Variants in UBE2E2 observed in about 807,000 individuals in gnomAD.
UBE2E2 encodes ubiquitin-conjugating enzyme E2 E2.
A neutral mutation model predicts 24.7 loss-of-function variants in UBE2E2; 6 were observed. The observed-to-expected ratio is 0.24, with a 90% CI of 0.13 to 0.48. UBE2E2 has a LOEUF of 0.48. Ranked by LOEUF, UBE2E2 falls within the 20% of genes least tolerant of loss-of-function variation. UBE2E2 has a pLI of 0.99. For missense variants in UBE2E2, 169 were observed against 245.0 expected, an observed-to-expected ratio of 0.69 and a Z score of 2.07; for synonymous variants, 104 against 83.6, an observed-to-expected ratio of 1.24 and a Z score of -1.33.
At chr3:23,537,845 G>A (rs929878750) in intron 5 of UBE2E2, among the ~76,000 whole-genome samples, 2 of 152,158 alleles carry the variant, frequency 1.3e-5, no homozygotes, top group African/African-American at 2.4e-5. Flanking sequence ...CTGCTGGTGG[G>A]TGGGAACCAT....
chr3:23,483,744 A>G (rs1421407002), intron 3 of UBE2E2, among the ~76,000 whole-genome samples: 7 of 152,206 alleles, frequency 4.6e-5, no homozygotes, highest in Non-Finnish European at 8.8e-5. Flanking sequence ...TAGTAGTTCT[A>G]TCATGGTGAT....
chr3:23,384,460 G>C (rs951475210), intron 3 of UBE2E2, among the ~76,000 whole-genome samples: 2 of 152,126 alleles, frequency 1.3e-5, no homozygotes, highest in Non-Finnish European at 2.9e-5. Context: ...CACTGCGCCT[G>C]ACCTTGAAGT....
chr3:23,205,232 A>G (rs1342325337), intron 1 of UBE2E2, among the ~76,000 whole-genome samples: 4 of 152,196 alleles, frequency 2.6e-5, no homozygotes, highest in Non-Finnish European at 5.9e-5. Flanking sequence ...ATCTCTCTCA[A>G]TATCTTTGAA....
intron 3 of UBE2E2, among the ~76,000 whole-genome samples, chr3:23,245,250 G>A (rs13084250): frequency 0.075 from 11,381 of 152,062 alleles, 539 homozygotes; most frequent in Non-Finnish European, 0.092. Flanking sequence ...TAATTGATAA[G>A]TTTTACAATG....
At chr3:23,427,159 G>C (rs558246642) in intron 3 of UBE2E2, among the ~76,000 whole-genome samples, 1 of 151,550 alleles carries the variant, frequency 6.6e-6, no homozygotes, top group African/African-American at 2.4e-5. Context: ...GGTGGCTCAT[G>C]CCTGTAATTC....
chr3:23,274,201 C>T (rs979621958), intron 3 of UBE2E2, among the ~76,000 whole-genome samples: 1 of 152,180 alleles, frequency 6.6e-6, no homozygotes, highest in Non-Finnish European at 1.5e-5. Flanking sequence ...TAAATACCAA[C>T]AATTATTATC....
At chr3:23,234,635 A>G (rs1253952691) in intron 3 of UBE2E2, among the ~76,000 whole-genome samples, 1 of 152,160 alleles carries the variant, frequency 6.6e-6, no homozygotes, top group African/African-American at 2.4e-5. Flanking sequence ...TTGATGCTCC[A>G]TAGTCTTTTG....
intron 3 of UBE2E2, among the ~76,000 whole-genome samples, chr3:23,339,025 G>A (rs994823839): frequency 3.5e-4 from 54 of 152,152 alleles, no homozygotes; most frequent in African/African-American, 1.3e-3. Context: ...TAACCTTACA[G>A]TGGAGAAAAT....
chr3:23,306,140 A>G (rs1324734875), intron 3 of UBE2E2, among the ~76,000 whole-genome samples: 1 of 152,226 alleles, frequency 6.6e-6, no homozygotes, highest in Non-Finnish European at 1.5e-5. Flanking sequence ...TGAAATATTT[A>G]AAAGAAACTA....
At chr3:23,270,252 G>T (rs1042910792) in intron 3 of UBE2E2, among the ~76,000 whole-genome samples, 2 of 150,776 alleles carry the variant, frequency 1.3e-5, no homozygotes, top group African/African-American at 4.9e-5. Flanking sequence ...TAAGGTGAGG[G>T]TCAGGAATCC....
At chr3:23,219,869 A>G (rs1403892104) in intron 3 of UBE2E2, among the ~76,000 whole-genome samples, 1 of 152,170 alleles carries the variant, frequency 6.6e-6, no homozygotes, top group Non-Finnish European at 1.5e-5. Flanking sequence ...TTGTCTGGGT[A>G]GGGGTGGGTG....
chr3:23,234,016 T>A (rs1196448352), intron 3 of UBE2E2, among the ~76,000 whole-genome samples: 1 of 152,140 alleles, frequency 6.6e-6, no homozygotes. Flanking sequence ...AATTGATTTT[T>A]TTTCCTTCTT....
At chr3:23,545,773 C>G (rs1410938792) in intron 5 of UBE2E2, among the ~76,000 whole-genome samples, 2 of 152,260 alleles carry the variant, frequency 1.3e-5, no homozygotes, top group South Asian at 2.1e-4. Flanking sequence ...AAGTGCCCGT[C>G]AACCGATGAG....
chr3:23,586,204 A>C (rs1696621789), intron 5 of UBE2E2, among the ~76,000 whole-genome samples: 1 of 152,252 alleles, frequency 6.6e-6, no homozygotes, highest in South Asian at 2.1e-4. Flanking sequence ...GGTAATATTC[A>C]GAAAATCATA....
At position 23,407,999 on chromosome 3, in the gene UBE2E2, G is replaced by C. The variant is rs1360217565; in HGVS notation, c.228-91609G>C. 6.6e-6 allele frequency among the ~76,000 whole-genome samples: 1 copy of C among 152,032 alleles called. No individual in the cohort carries two copies. Among genetic ancestry groups the C allele is most frequent in the East Asian group, 1.9e-4 (1 of 5,180 alleles). ...CTTCTGGTGGGGGCGGGGGAGATGGGCTTTTATTAAAAAATACAATGTCAC... is the reference window on the plus strand; with the variant it reads ...CTTCTGGTGGGGGCGGGGGAGATGGCCTTTTATTAAAAAATACAATGTCAC... On this transcript the variant is annotated intron_variant, in intron 3 of 5. Coordinates refer to ENST00000396703, the MANE Select transcript of UBE2E2 (RefSeq NM_152653.4). The surrounding 1 kb of genome is among the most constrained non-coding windows in gnomAD (Gnocchi z 4.0).
chr3:23,252,158 A>C (rs968519506), intron 3 of UBE2E2, among the ~76,000 whole-genome samples: 5 of 152,222 alleles, frequency 3.3e-5, no homozygotes, highest in Admixed American at 3.3e-4. Context: ...TTGGTGGTTT[A>C]AATTTACAAG....
intron 3 of UBE2E2, among the ~76,000 whole-genome samples, chr3:23,350,760 T>C (rs919914272): frequency 3.9e-5 from 6 of 152,182 alleles, no homozygotes; most frequent in Non-Finnish European, 8.8e-5. Flanking sequence ...CTACGTCTGA[T>C]TGGTGTACCT....
chr3:23,252,777 G>A (rs570228564), intron 3 of UBE2E2, among the ~76,000 whole-genome samples: 6 of 152,282 alleles, frequency 3.9e-5, no homozygotes, highest in African/African-American at 1.2e-4. Flanking sequence ...TATTACAGGC[G>A]TGAGCCACCA....
At chr3:23,208,190 G>A (rs114676463) in intron 1 of UBE2E2, among the ~76,000 whole-genome samples, 17 of 152,200 alleles carry the variant, frequency 1.1e-4, no homozygotes, top group African/African-American at 3.6e-4. Context: ...GATTACAGGC[G>A]TGAGGTTCAC....
Sources: gnomAD v4.1 joint callset for allele counts (sites outside exome capture counted in the v4.1 genomes callset) on GRCh38, gnomAD v4.1.1 for gene constraint, Gnocchi (gnomAD v3.1) non-coding constraint, MANE v1.5 for transcripts, NCBI Gene and HGNC (gene_info 2026-07-23, HGNC 2026-07-21) for gene names.